Variants in FTO observed in about 807,000 individuals in gnomAD.
FTO encodes the protein FTO alpha-ketoglutarate dependent dioxygenase.
FTO carries 47 observed loss-of-function variants against 63.9 expected under a neutral mutation model. The observed-to-expected ratio is 0.74, with a 90% CI of 0.58 to 0.94. The LOEUF is 0.94. Among genes scored for constraint, FTO ranks in the 40% least tolerant of loss-of-function variants. FTO has a pLI of 0.00. For missense variants in FTO, 562 were observed against 618.1 expected (o/e 0.91, Z 0.96); for synonymous variants, 207 against 224.4 (o/e 0.92, Z 0.69).
At chr16:53,756,028 C>T (rs563733556) in intron 1 of FTO, among the ~76,000 whole-genome samples, 7 of 152,090 alleles carry the variant, frequency 4.6e-5, no homozygotes, top group Non-Finnish European at 2.9e-5. Context: ...AACGCCAAAC[C>T]CTTGGATTGC....
At chr16:53,712,920 T>C (rs1003514186) in intron 1 of FTO, among the ~76,000 whole-genome samples, 5 of 152,040 alleles carry the variant, frequency 3.3e-5, no homozygotes, top group African/African-American at 9.6e-5. Context: ...ATGTAGATGA[T>C]AGTCTCCAAA....
At chr16:53,958,293 G>A (rs1268701033) in intron 8 of FTO, among the ~76,000 whole-genome samples, 2 of 152,206 alleles carry the variant, frequency 1.3e-5, no homozygotes, top group Non-Finnish European at 2.9e-5. Context: ...GGGATGTAGA[G>A]GGAAATGAAC....
At chr16:53,846,380 A>T (rs1221404046) in intron 4 of FTO, among the ~76,000 whole-genome samples, 1 of 152,110 alleles carries the variant, frequency 6.6e-6, no homozygotes, top group Non-Finnish European at 1.5e-5. Flanking sequence ...GTCTTAATAG[A>T]TGTTAGTATC....
chr16:53,764,940 G>C (rs139155370), intron 1 of FTO, among the ~76,000 whole-genome samples: 1 of 151,996 alleles, frequency 6.6e-6, no homozygotes, highest in Non-Finnish European at 1.5e-5. Flanking sequence ...GGCTGGTCTC[G>C]ATTTCCTGAC....
chr16:54,074,560 T>C (rs1484808829), intron 8 of FTO, among the ~76,000 whole-genome samples: 1 of 152,190 alleles, frequency 6.6e-6, no homozygotes, highest in Non-Finnish European at 1.5e-5. Flanking sequence ...CTTGGGAACA[T>C]GATTATTAAG....
chr16:54,108,258 C>G (rs1031082256), intron 8 of FTO, among the ~76,000 whole-genome samples: 4 of 152,154 alleles, frequency 2.6e-5, no homozygotes, highest in Non-Finnish European at 4.4e-5. Context: ...ACTTTATTTC[C>G]TGTAAATACA....
At chr16:54,043,069 C>T (rs1319475403) in intron 8 of FTO, among the ~76,000 whole-genome samples, 1 of 69,148 alleles carries the variant, frequency 1.4e-5, no homozygotes, top group Non-Finnish European at 2.3e-5. Context: ...TCCAAAGGAA[C>T]GCAGTTCCTC....
chr16:54,106,682 TA>T (rs2086760541), intron 8 of FTO, among the ~76,000 whole-genome samples: 1 of 136,848 alleles, frequency 7.3e-6, no homozygotes. Flanking sequence ...AATAAATATA[TA>T]AAATTATATA....
intron 8 of FTO, among the ~76,000 whole-genome samples, chr16:53,996,747 C>CA (rs1346713102): frequency 6.6e-6 from 1 of 152,074 alleles, no homozygotes; most frequent in Non-Finnish European, 1.5e-5. Context: ...GAAGCAAACA[C>CA]ATCCTTCTTC....
intron 8 of FTO, among the ~76,000 whole-genome samples, chr16:53,963,696 C>CT (rs2083133741): frequency 6.6e-6 from 1 of 152,188 alleles, no homozygotes; most frequent in Non-Finnish European, 1.5e-5. Flanking sequence ...TCCCCAGAAG[C>CT]TGAGTGGATG....
rs539105980 is a variant in FTO at position 54,106,334 on chromosome 16, T to C, written c.1365-5428T>C. Among the ~76,000 whole-genome samples, 5 of 151,930 alleles carry C rather than the reference T, an allele frequency of 3.3e-5. No individual in the cohort carries two copies. In the East Asian group the frequency reaches 9.7e-4, roughly 29 times the overall value. On this transcript the variant is annotated intron_variant, in intron 8 of 8. Transcript: ENST00000471389. ...TTTCGGCTGCTTCCTGTTACGTCACTAGGTCATTCAGGGAGAACCACTCCT... is the reference window on the plus strand; with the variant it reads ...TTTCGGCTGCTTCCTGTTACGTCACCAGGTCATTCAGGGAGAACCACTCCT...
intron 8 of FTO, among the ~76,000 whole-genome samples, chr16:54,061,212 G>A (rs533199074): frequency 5.3e-5 from 8 of 152,334 alleles, no homozygotes; most frequent in African/African-American, 1.4e-4. Context: ...TAGCAGTGAT[G>A]ACAGAATGTC....
intron 2 of FTO, among the ~76,000 whole-genome samples, chr16:53,819,618 G>A (rs1279557049): frequency 6.6e-6 from 1 of 151,446 alleles, no homozygotes; most frequent in African/African-American, 2.4e-5. Flanking sequence ...CAGTTTGTTT[G>A]CCTTTTAATT....
chr16:53,767,252 T>C (rs2077230128), intron 1 of FTO, among the ~76,000 whole-genome samples: 1 of 152,230 alleles, frequency 6.6e-6, no homozygotes, highest in Non-Finnish European at 1.5e-5. Context: ...CACCTTAATC[T>C]GACCTTAAAG....
intron 8 of FTO, among the ~76,000 whole-genome samples, chr16:54,103,945 G>A (rs11076020): frequency 0.11 from 16,364 of 152,116 alleles, 1,141 homozygotes; most frequent in Admixed American, 0.15. Flanking sequence ...GATTTTAAAT[G>A]TAGCGCTTAA....
chr16:53,729,078 C>T (rs956511840), intron 1 of FTO, among the ~76,000 whole-genome samples: 1 of 151,816 alleles, frequency 6.6e-6, no homozygotes, highest in African/African-American at 2.4e-5. Context: ...GGCTGCACTT[C>T]TGTCTCCTGC....
At chr16:53,763,726 T>G (rs1201422282) in intron 1 of FTO, among the ~76,000 whole-genome samples, 1 of 152,230 alleles carries the variant, frequency 6.6e-6, no homozygotes, top group Non-Finnish European at 1.5e-5. Context: ...GTTTTGTCTG[T>G]AGATTGCAAA....
intron 7 of FTO, among the ~76,000 whole-genome samples, chr16:53,918,510 A>G (rs180750210): frequency 6.6e-6 from 1 of 152,282 alleles, no homozygotes; most frequent in Non-Finnish European, 1.5e-5. Flanking sequence ...ATGACACACA[A>G]CTCTATTTAG....
intron 8 of FTO, among the ~76,000 whole-genome samples, chr16:54,018,285 A>G (rs148079276): frequency 3.0e-4 from 45 of 152,246 alleles, no homozygotes; most frequent in African/African-American, 9.4e-4. Context: ...GATGGTACCA[A>G]TTTTTAAAAT....
Sources: allele counts gnomAD v4.1 joint callset (sites outside exome capture counted in the v4.1 genomes callset), GRCh38; gene constraint gnomAD v4.1.1; transcripts MANE v1.5; gene names NCBI Gene and HGNC (gene_info 2026-07-23, HGNC 2026-07-21).